ZNF91: variants seen among roughly 807,000 people sequenced by gnomAD.
ZNF91 encodes the protein zinc finger protein 91 (HPF7, HTF10).
In ZNF91, 7 loss-of-function variants were observed where a neutral mutation model predicts 12.6. That is an observed-to-expected ratio of 0.55 (90% CI 0.31 to 1.04). ZNF91 has a LOEUF of 1.04. ZNF91 is among the 50% of genes least tolerant of loss of function. ZNF91 has a pLI of 0.05. For missense variants in ZNF91, 1,217 were observed against 1,385.4 expected (o/e 0.88, Z 1.93); for synonymous variants, 453 against 462.6 (o/e 0.98, Z 0.27).
intron 1 of ZNF91, chr19:23,325,098 T>G (rs2145863435): frequency 6.6e-6 from 1 of 151,648 alleles, no homozygotes; most frequent in South Asian, 2.1e-4. Context: ...GCCACTGATC[T>G]GAGCCTTGTT....
At chr19:23,369,330 C>T (rs1229176412) in intron 3 of ZNF91, among the ~76,000 whole-genome samples, 1 of 150,728 alleles carries the variant, frequency 6.6e-6, no homozygotes, top group Admixed American at 6.6e-5. Flanking sequence ...AAACAACGCC[C>T]GGGAGGGAGG....
intron 1 of ZNF91, chr19:23,309,142 A>G (rs904509432): frequency 6.7e-6 from 1 of 150,054 alleles, no homozygotes; most frequent in Non-Finnish European, 1.5e-5. Flanking sequence ...ATATCAATGG[A>G]TTGAGCACCT....
intron 3 of ZNF91, among the ~76,000 whole-genome samples, chr19:23,306,472 C>T (rs886324416): frequency 1.3e-5 from 2 of 148,630 alleles, no homozygotes; most frequent in Non-Finnish European, 3.0e-5. Flanking sequence ...TATCACCGGG[C>T]CTTATATCCA....
upstream of ZNF91, among the ~76,000 whole-genome samples, chr19:23,312,057 A>G (rs989942621): frequency 7.9e-5 from 12 of 152,122 alleles, no homozygotes; most frequent in Non-Finnish European, 1.5e-4. Flanking sequence ...TGCTTTCAGG[A>G]GGGGATTATA....
intron 1 of ZNF91, among the ~76,000 whole-genome samples, chr19:23,386,388 T>A (rs182473627): frequency 6.6e-6 from 1 of 152,274 alleles, no homozygotes; most frequent in Non-Finnish European, 1.5e-5. Context: ...CTGAAGGCAT[T>A]ACATTACCTG....
At chr19:23,368,558 C>CTATATATA (rs1392705570) in intron 3 of ZNF91, among the ~76,000 whole-genome samples, 19 of 121,900 alleles carry the variant, frequency 1.6e-4, no homozygotes, top group African/African-American at 4.9e-4. Context: ...CTCTCTCTCT[C>CTATATATA]TCTCTATATA....
intron 1 of ZNF91, chr19:23,380,695 C>G (rs1427131992): frequency 6.6e-6 from 1 of 152,164 alleles, no homozygotes; most frequent in Non-Finnish European, 1.5e-5. Flanking sequence ...TAATTTCTCT[C>G]TAAATATCCA....
At chr19:23,387,796 C>T (rs1047989877) in intron 1 of ZNF91, among the ~76,000 whole-genome samples, 6 of 151,100 alleles carry the variant, frequency 4.0e-5, no homozygotes, top group South Asian at 2.1e-4. Context: ...AAAAATTAGT[C>T]GGGCATGGTG....
intron 3 of ZNF91, among the ~76,000 whole-genome samples, chr19:23,369,041 G>A (rs1045420824): frequency 6.6e-6 from 1 of 152,092 alleles, no homozygotes; most frequent in Non-Finnish European, 1.5e-5. Context: ...GCTGGGCACA[G>A]TGGTTCACAC....
intron 3 of ZNF91, among the ~76,000 whole-genome samples, chr19:23,368,066 C>T (rs1339207721): frequency 1.3e-5 from 2 of 151,970 alleles, no homozygotes; most frequent in Non-Finnish European, 2.9e-5. Context: ...CCGGGCACAG[C>T]GTCTGGCTAA....
intron 1 of ZNF91, chr19:23,325,526 TC>T (rs1967819865): frequency 6.6e-6 from 1 of 152,204 alleles, no homozygotes; most frequent in Non-Finnish European, 1.5e-5. Flanking sequence ...TCTTTTGTCA[TC>T]TTGATCACAC....
intron 1 of ZNF91, among the ~76,000 whole-genome samples, chr19:23,389,211 G>C (rs1969978454): frequency 1.3e-5 from 2 of 152,110 alleles, no homozygotes; most frequent in African/African-American, 4.8e-5. Context: ...AGAAAGACTG[G>C]TTTGTGCTAC....
At chr19:23,389,272 A>G (rs1343016608) in intron 1 of ZNF91, among the ~76,000 whole-genome samples, 1 of 152,188 alleles carries the variant, frequency 6.6e-6, no homozygotes, top group Non-Finnish European at 1.5e-5. Context: ...GGGTCCATGC[A>G]GGCAGATGAG....
intron 3 of ZNF91, among the ~76,000 whole-genome samples, chr19:23,346,019 T>A: frequency 6.6e-6 from 1 of 152,084 alleles, no homozygotes; most frequent in East Asian, 1.9e-4. Flanking sequence ...GCGCCACCTT[T>A]AGCCCATGCC....
chr19:23,322,096 C>T (rs1185587996), intron 1 of ZNF91, among the ~76,000 whole-genome samples: 1 of 152,192 alleles, frequency 6.6e-6, no homozygotes, highest in African/African-American at 2.4e-5. Flanking sequence ...TGTGACTCTC[C>T]TCTCATGCAT....
At chr19:23,376,667 A>C (rs751509055) in intron 1 of ZNF91, among the ~76,000 whole-genome samples, 9 of 152,058 alleles carry the variant, frequency 5.9e-5, no homozygotes, top group Non-Finnish European at 1.0e-4. Flanking sequence ...GGGATTACAG[A>C]CGTGAGCCAC....
chr19:23,311,126 C>A (rs370902931), upstream of ZNF91, among the ~76,000 whole-genome samples: 2 of 152,274 alleles, frequency 1.3e-5, no homozygotes, highest in South Asian at 2.1e-4. Flanking sequence ...GGGTCTCTTA[C>A]CTAGGTGATG....
At position 23,359,089 on chromosome 19, in the gene ZNF91, A is replaced by T; in HGVS notation, c.*314T>A. 1 of 561,542 alleles carries T rather than the reference A, an allele frequency of 1.8e-6. No individual in the cohort carries two copies. The highest frequency in any genetic ancestry group is 1.5e-5 in the South Asian group (1 of 65,016). The allele number at this position is 561,542 out of a possible 1,614,324, so 34.8% of individuals were successfully genotyped here. A position where few individuals can be genotyped will look rare whatever the true frequency, so the allele number is the denominator to read the frequency against. On this transcript the variant is annotated 3_prime_UTR_variant, in exon 4 of 4. Coordinates refer to ENST00000300619, the MANE Select transcript of ZNF91 (RefSeq NM_003430.4). ...TCTGGTTAGGGCTGAGGACCAGAAA[A>T]AGGATTTGCCACATTCTTCACATTT... is the stretch of plus-strand genomic sequence containing the variant.
chr19:23,323,774 C>T (rs1462228114), intron 1 of ZNF91, among the ~76,000 whole-genome samples: 1 of 138,098 alleles, frequency 7.2e-6, no homozygotes, highest in Non-Finnish European at 1.5e-5. Flanking sequence ...TCGTCTCCTC[C>T]TTCTCTTTCT....
Sources: allele counts gnomAD v4.1 joint callset (sites outside exome capture counted in the v4.1 genomes callset), GRCh38; gene constraint gnomAD v4.1.1; transcripts MANE v1.5; gene names NCBI Gene and HGNC (gene_info 2026-07-23, HGNC 2026-07-21).